The following VWA5A variants were observed in gnomAD, a reference collection of about 807,000 sequenced individuals.
VWA5A encodes von Willebrand factor A domain-containing protein 5A.
In VWA5A, 77 loss-of-function variants were observed where a neutral mutation model predicts 84.6. The observed-to-expected ratio is 0.91, with a 90% CI of 0.76 to 1.10. VWA5A has a LOEUF of 1.10. VWA5A is among the 50% of genes least tolerant of loss of function. The pLI, the probability that VWA5A is intolerant of heterozygous loss-of-function variation, is 0.00. For synonymous variants in VWA5A, 334 were observed against 350.1 expected, an observed-to-expected ratio of 0.95 and a Z score of 0.51; for missense variants, 973 against 963.0, an observed-to-expected ratio of 1.01 and a Z score of -0.14.
intron 11 of VWA5A, chr11:124,124,891 T>C (rs1864995289): frequency 6.6e-6 from 1 of 152,294 alleles, no homozygotes; most frequent in Non-Finnish European, 1.5e-5. Context: ...GTTGAGAGAT[T>C]CATATACATT....
intron 17 of VWA5A, among the ~76,000 whole-genome samples, chr11:124,144,902 T>TA (rs944763925): frequency 2.0e-5 from 3 of 152,170 alleles, no homozygotes; most frequent in African/African-American, 4.8e-5. Context: ...GGGTTACAAT[T>TA]AAAAAAAACT....
At chr11:124,144,689 T>G (rs1237231840) in intron 17 of VWA5A, among the ~76,000 whole-genome samples, 3 of 152,248 alleles carry the variant, frequency 2.0e-5, no homozygotes, top group African/African-American at 7.2e-5. Context: ...GACAATTTTC[T>G]GCTGCATGGC....
At chr11:124,142,307 A>G (rs1860744525) in intron 16 of VWA5A, 135 bp from the exon 17 acceptor site, 1 of 1,200,186 alleles carries the variant, frequency 8.3e-7, no homozygotes, top group Non-Finnish European at 1.2e-6. Context: ...GATCTTCTGG[A>G]TGTTGTCTGA....
At chr11:124,137,434 A>G (rs1360290242) in intron 15 of VWA5A, among the ~76,000 whole-genome samples, 166 bp downstream of exon 15, 2 of 152,238 alleles carry the variant, frequency 1.3e-5, no homozygotes, top group African/African-American at 4.8e-5. Flanking sequence ...GTCCCAGGGA[A>G]CTAGAATGCA....
chr11:124,123,689 T>C lies in VWA5A; in HGVS notation c.1049T>C (p.Met350Thr), dbSNP rs748686039. The C allele has an allele frequency of 1.2e-6, 2 of 1,614,052 alleles. No homozygotes were observed. The highest frequency in any genetic ancestry group is 2.2e-5 in the South Asian group (2 of 91,072). ...PESVKYTQQTMEEALGRVKLM... is the reference protein window; with the variant it reads ...PESVKYTQQTTEEALGRVKLM... Reference sequence around the variant, plus strand: ...AGTGTGAAGTACACTCAGCAAACAATGGAGGAGGCTCTGGGGAGAGTGAAG... The same window carrying C: ...AGTGTGAAGTACACTCAGCAAACAACGGAGGAGGCTCTGGGGAGAGTGAAG... Residue 350 changes from methionine to threonine, a missense_variant, in exon 10 of 19, where the codon ATG becomes ACG. Transcript: ENST00000456829.
Position 124,124,280 on chromosome 11 carries a change from T to C in VWA5A, c.1208T>C (p.Val403Ala). The C allele has an allele frequency of 6.2e-7, 1 of 1,613,944 alleles. No individual in the cohort carries two copies. Among genetic ancestry groups the C allele is most frequent in the Non-Finnish European group, 8.5e-7 (1 of 1,179,976 alleles). ...GGAGAAGTTACAGACACGTTTAGTGTAATTAAAGAAGTTAGGATCAACAGA... is the reference window on the plus strand; with the variant it reads ...GGAGAAGTTACAGACACGTTTAGTGCAATTAAAGAAGTTAGGATCAACAGA... ...TDGEVTDTFS[V>A]IKEVRINRQK... The change falls in exon 11 of 19, where the codon GTA becomes GCA. Residue 403 changes from valine (V) to alanine (A), a missense_variant. Val to Ala is a moderately conservative substitution (Grantham distance 64). Transcript: ENST00000456829.
intron 17 of VWA5A, among the ~76,000 whole-genome samples, chr11:124,143,353 C>T (rs913627180): frequency 6.6e-6 from 1 of 152,188 alleles, no homozygotes; most frequent in Non-Finnish European, 1.5e-5. Context: ...TCATTCTAAA[C>T]TTTCAAAATG....
intron 11 of VWA5A, chr11:124,124,729 T>G: frequency 4.8e-6 from 1 of 206,514 alleles, no homozygotes; most frequent in Middle Eastern, 2.5e-3. Context: ...CTGTACCCTT[T>G]TCCATCATGT....
chr11:124,118,209 A>G lies in VWA5A; in HGVS notation c.267A>G (p.Lys89=). The part of the protein sequence containing the change: ...DKMKARTNYE[K]AISQGHQAFL... Reference sequence around the variant, plus strand: ...CTCAGGCCCGCACCAACTATGAGAAAGCCATCTCCCAGGGCCACCAGGCCT... The same window carrying G: ...CTCAGGCCCGCACCAACTATGAGAAGGCCATCTCCCAGGGCCACCAGGCCT... The change falls in exon 5 of 19, where the codon AAA becomes AAG. Residue 89 remains lysine, a synonymous_variant. Transcript: ENST00000456829. 6.2e-7 allele frequency: 1 copy of G among 1,614,070 alleles called. No homozygotes were observed. Among genetic ancestry groups the G allele is most frequent in the Non-Finnish European group, 8.5e-7 (1 of 1,179,992 alleles).
At chr11:124,135,562 G>A (rs554018679) in intron 12 of VWA5A, among the ~76,000 whole-genome samples, 4 of 110,314 alleles carry the variant, frequency 3.6e-5, no homozygotes, top group East Asian at 5.2e-4. Flanking sequence ...ACGGAGTCTC[G>A]CTCTGTCGCC....
intron 15 of VWA5A, among the ~76,000 whole-genome samples, chr11:124,138,670 G>A (rs1213251436): frequency 2.6e-5 from 4 of 152,100 alleles, no homozygotes; most frequent in African/African-American, 9.7e-5. Flanking sequence ...AATTCCTTCT[G>A]TACTTTGTAT....
At chr11:124,124,093 C>A (rs1233678423) in intron 10 of VWA5A, 144 bp from the exon 11 acceptor site, 4 of 895,542 alleles carry the variant, frequency 4.5e-6, no homozygotes, top group Admixed American at 2.7e-5. Context: ...GTGGTGCCAG[C>A]GACTGAAACA....
At chr11:124,132,695 C>G (rs1321128345) in intron 11 of VWA5A, among the ~76,000 whole-genome samples, 2 of 151,948 alleles carry the variant, frequency 1.3e-5, no homozygotes, top group African/African-American at 2.4e-5. Context: ...TTCAAAACAC[C>G]AGCACCTTTG....
Position 124,137,015 on chromosome 11 carries a change from C to T in VWA5A, c.1626C>T (p.Asn542=). 1 of 1,607,782 alleles carries T rather than the reference C, an allele frequency of 6.2e-7. No homozygotes were observed. The highest frequency in any genetic ancestry group is 1.1e-5 in the South Asian group (1 of 90,098). The change falls in exon 15 of 19, where the codon AAC becomes AAT. Residue 542 remains asparagine, a splice_region_variant and synonymous_variant. Transcript: ENST00000456829. ...TFPLQPKPDV[N]LTIHRLAAKS... is the part of the protein sequence containing the mutation. ...AGTACTTTTTTTTTTTTCCTTTCAG[C>T]CTCACCATTCACCGCCTTGCTGCCA...
At chr11:124,118,121 G>T in intron 4 of VWA5A, 68 bp from the exon 5 acceptor site, 1 of 1,533,408 alleles carries the variant, frequency 6.5e-7, no homozygotes. Flanking sequence ...TGCACTGCTC[G>T]TCTCTTTTTC....
chr11:124,138,180 A>G (rs1027444190), intron 15 of VWA5A, among the ~76,000 whole-genome samples: 2 of 152,202 alleles, frequency 1.3e-5, no homozygotes, highest in African/African-American at 4.8e-5. Flanking sequence ...TACATTGTGT[A>G]TATATAGTAC....
intron 15 of VWA5A, among the ~76,000 whole-genome samples, chr11:124,138,454 T>C (rs1565290229): frequency 6.6e-6 from 1 of 152,012 alleles, no homozygotes; most frequent in Non-Finnish European, 1.5e-5. Context: ...GTACTTGTTA[T>C]CTTTTGTCTT....
chr11:124,118,023 A>G lies in VWA5A; in HGVS notation c.246+148A>G, dbSNP rs955608212. 9 of 1,301,200 alleles carry G rather than the reference A, an allele frequency of 6.9e-6. No homozygotes were observed. The African/African-American group carries it at 1.2e-4, about 17-fold the overall frequency. 80.6% of individuals were successfully genotyped at this position (1,301,200 alleles called of 1,614,324 possible). A position where few individuals can be genotyped will look rare whatever the true frequency, so the allele number is the denominator to read the frequency against. ...TTTCTTCCACTCTTTTCTAACTGCCATTTTTCTAAAATCATTTGGGGAAAG... is the reference window on the plus strand; with the variant it reads ...TTTCTTCCACTCTTTTCTAACTGCCGTTTTTCTAAAATCATTTGGGGAAAG... On this transcript the variant is annotated intron_variant, in intron 4 of 18. Coordinates refer to ENST00000456829, the MANE Select transcript of VWA5A (RefSeq NM_001130142.2).
intron 4 of VWA5A, 33 bp downstream of exon 4, chr11:124,117,908 A>T: frequency 6.2e-7 from 1 of 1,608,630 alleles, no homozygotes; most frequent in Admixed American, 1.7e-5. Flanking sequence ...TTCTTATTAC[A>T]TTACCTCCTC....
Sources: gnomAD v4.1 joint callset for allele counts (sites outside exome capture counted in the v4.1 genomes callset) on GRCh38, gnomAD v4.1.1 for gene constraint, MANE v1.5 for transcripts, NCBI Gene and HGNC (gene_info 2026-07-23, HGNC 2026-07-21) for gene names.